Variants in UNC13C observed in about 807,000 individuals in gnomAD.
UNC13C encodes protein unc-13 homolog C.
Under a neutral mutation model 245.4 loss-of-function variants are expected in UNC13C, and 174 were observed. That is an observed-to-expected ratio of 0.71 (90% CI 0.63 to 0.80). The LOEUF is 0.80. UNC13C is among the 30% of genes least tolerant of loss of function. The pLI, the probability that UNC13C is intolerant of heterozygous loss-of-function variation, is 0.00. For missense variants in UNC13C, 2,829 were observed against 2,602.9 expected, an observed-to-expected ratio of 1.09 and a Z score of -1.89; for synonymous variants, 992 against 895.1, an observed-to-expected ratio of 1.11 and a Z score of -1.93.
chr15:54,116,468 A>G (rs2030256252), intron 2 of UNC13C, among the ~76,000 whole-genome samples: 1 of 152,164 alleles, frequency 6.6e-6, no homozygotes, highest in African/African-American at 2.4e-5. Context: ...CCACCAATGT[A>G]CTGGCTACCT....
At position 54,251,492 on chromosome 15, in the gene UNC13C, A is replaced by G. The variant is rs557689363; in HGVS notation, c.3448+1048A>G. Among the ~76,000 whole-genome samples the G allele has an allele frequency of 3.3e-5, 5 of 152,300 alleles. No homozygotes were observed. In the South Asian group the frequency reaches 1.0e-3, roughly 32 times the overall value. On this transcript the variant is annotated intron_variant, in intron 8 of 32. Transcript: ENST00000260323. ...TCCTTTCACACTCTTGAATGAGTAC[A>G]TGCCACTTTGGTTTTTATGACAAGT...
At chr15:54,563,752 T>G (rs1897389385) in intron 29 of UNC13C, among the ~76,000 whole-genome samples, 1 of 152,024 alleles carries the variant, frequency 6.6e-6, no homozygotes, top group South Asian at 2.1e-4. Context: ...GTCTAATAAT[T>G]AAGATATTTA....
intron 32 of UNC13C, 53 bp downstream of exon 32, chr15:54,624,007 C>T: frequency 1.9e-6 from 3 of 1,600,638 alleles, no homozygotes; most frequent in Non-Finnish European, 1.7e-6. Flanking sequence ...TACTGTACAG[C>T]TGACCTTACT....
chr15:54,478,816 G>A (rs1892926906), intron 19 of UNC13C, among the ~76,000 whole-genome samples: 1 of 152,118 alleles, frequency 6.6e-6, no homozygotes, highest in Non-Finnish European at 1.5e-5. Flanking sequence ...TTCTGTAGAT[G>A]TCTATTAGGT....
chr15:54,042,392 G>A (rs1166266995), intron 2 of UNC13C, among the ~76,000 whole-genome samples: 1 of 152,160 alleles, frequency 6.6e-6, no homozygotes, highest in Non-Finnish European at 1.5e-5. Context: ...AGGCAAATGG[G>A]TAAATATACT....
At chr15:54,217,041 GT>G (rs2035062404) in intron 4 of UNC13C, among the ~76,000 whole-genome samples, 1 of 152,018 alleles carries the variant, frequency 6.6e-6, no homozygotes, top group Non-Finnish European at 1.5e-5. Context: ...TACAGCAACA[GT>G]TAAGGTATCT....
At chr15:53,874,541 C>A in the UNC13C span, among the ~76,000 whole-genome samples, 1 of 152,174 alleles carries the variant, frequency 6.6e-6, no homozygotes, top group Non-Finnish European at 1.5e-5. Context: ...TAGCTATTTT[C>A]ATTATGCGGG....
chr15:54,490,987 G>A lies in UNC13C; in HGVS notation c.4934-3621G>A, dbSNP rs145938911. ...GAGACCACAACATCCTGTACCTGTC[G>A]AAAATCAAGGCACTTGCCATATTGT... On this transcript the variant is annotated intron_variant, in intron 19 of 32. Coordinates refer to ENST00000260323, the MANE Select transcript of UNC13C (RefSeq NM_001080534.3). Among the ~76,000 whole-genome samples, 619 of 152,228 alleles carry A rather than the reference G, an allele frequency of 4.1e-3. 8 individuals carry two copies. The highest frequency in any genetic ancestry group is 0.014 in the African/African-American group (582 of 41,540).
chr15:54,057,646 A>C (rs1388482197), intron 2 of UNC13C, among the ~76,000 whole-genome samples: 1 of 152,212 alleles, frequency 6.6e-6, no homozygotes, highest in Non-Finnish European at 1.5e-5. Flanking sequence ...ACCCCAAATC[A>C]ACAGAATATA....
chr15:54,389,799 G>A (rs970153967), intron 17 of UNC13C, among the ~76,000 whole-genome samples: 1 of 151,700 alleles, frequency 6.6e-6, no homozygotes, highest in Non-Finnish European at 1.5e-5. Context: ...CACAATCTTG[G>A]CTCACTGCAA....
At chr15:54,230,150 T>C (rs1175286235) in intron 4 of UNC13C, among the ~76,000 whole-genome samples, 3 of 88,810 alleles carry the variant, frequency 3.4e-5, no homozygotes, top group African/African-American at 8.6e-5. Flanking sequence ...TTTTTACTTA[T>C]TTGAGGAATC....
intron 4 of UNC13C, among the ~76,000 whole-genome samples, chr15:54,148,652 T>C (rs893583087): frequency 6.6e-6 from 1 of 152,206 alleles, no homozygotes; most frequent in African/African-American, 2.4e-5. Flanking sequence ...GCAGCAGTCT[T>C]ATCTCTCATA....
chr15:54,479,253 G>T (rs188655640), intron 19 of UNC13C, among the ~76,000 whole-genome samples: 2 of 151,986 alleles, frequency 1.3e-5, no homozygotes, highest in African/African-American at 4.8e-5. Flanking sequence ...ATATATCTGG[G>T]TGCTTTGGTA....
intron 19 of UNC13C, among the ~76,000 whole-genome samples, chr15:54,477,842 G>A (rs897971958): frequency 6.7e-6 from 1 of 148,980 alleles, no homozygotes; most frequent in African/African-American, 2.5e-5. Context: ...TTAAGGAGGA[G>A]TCCCTCTTTT....
At chr15:53,902,298 T>G in the UNC13C span, among the ~76,000 whole-genome samples, 1 of 152,126 alleles carries the variant, frequency 6.6e-6, no homozygotes, top group Non-Finnish European at 1.5e-5. Flanking sequence ...CCTTCCTAGA[T>G]ACAGGAGACA....
chr15:54,238,105 C>G (rs943867506), intron 7 of UNC13C, among the ~76,000 whole-genome samples: 4 of 103,684 alleles, frequency 3.9e-5, no homozygotes, highest in African/African-American at 1.5e-4. Context: ...GAGACAGAAT[C>G]TCACTCTGTT....
intron 19 of UNC13C, among the ~76,000 whole-genome samples, chr15:54,474,793 T>C (rs1179129414): frequency 6.6e-6 from 1 of 151,970 alleles, no homozygotes; most frequent in Non-Finnish European, 1.5e-5. Flanking sequence ...ACAAGAAGCA[T>C]GGTGCCAGTA....
At chr15:53,956,856 A>G in the UNC13C span, among the ~76,000 whole-genome samples, 1 of 130,100 alleles carries the variant, frequency 7.7e-6, no homozygotes. Flanking sequence ...TGTCCACGGG[A>G]CTGGTAAAGT....
chr15:54,002,825 C>G (rs888727324), intron 1 of UNC13C, among the ~76,000 whole-genome samples: 5 of 152,160 alleles, frequency 3.3e-5, no homozygotes, highest in African/African-American at 1.2e-4. Context: ...TTAGATTGCC[C>G]TATCAAAGAA....
Sources: gnomAD v4.1 joint callset for allele counts (sites outside exome capture counted in the v4.1 genomes callset) on GRCh38, gnomAD v4.1.1 for gene constraint, MANE v1.5 for transcripts, NCBI Gene and HGNC (gene_info 2026-07-23, HGNC 2026-07-21) for gene names.